The following CPED1 variants were observed in gnomAD, a reference collection of about 807,000 sequenced individuals.
CPED1 encodes the protein cadherin like and PC-esterase domain containing 1, also known as cadherin-like and PC-esterase domain-containing protein 1.
CPED1 carries 114 observed loss-of-function variants against 128.2 expected under a neutral mutation model. The ratio of observed to expected loss-of-function variants is 0.89; its 90% CI spans 0.76 to 1.04. CPED1 has a LOEUF of 1.04. Among genes scored for constraint, CPED1 ranks in the 50% least tolerant of loss-of-function variants. CPED1 has a pLI of 0.00. For missense variants in CPED1, 1,211 were observed against 1,207.1 expected (o/e 1.00, Z -0.05); for synonymous variants, 462 against 426.7 (o/e 1.08, Z -1.02).
In CPED1 at chr7:121,047,396, A is replaced by C. The variant is rs141005313; in HGVS notation, c.540+403A>C. 2.6e-5 allele frequency among the ~76,000 whole-genome samples: 4 copies of C among 152,268 alleles called. No individual in the cohort carries two copies. The East Asian group carries it at 5.8e-4, about 22-fold the overall frequency. On this transcript the variant is annotated intron_variant, in intron 4 of 22. Transcript: ENST00000310396. ...TATAAAATTTCTAATTACATTTTAA[A>C]ATTGACATTTAGTACTTACTCTTTA...
intron 2 of CPED1, among the ~76,000 whole-genome samples, chr7:121,010,758 T>A (rs1371008443): frequency 6.6e-6 from 1 of 152,118 alleles, no homozygotes; most frequent in Non-Finnish European, 1.5e-5. Context: ...GAGATTCAGT[T>A]AAGTCAGCTG....
At chr7:121,169,204 C>A (rs754466701) in intron 16 of CPED1, among the ~76,000 whole-genome samples, 4 of 152,090 alleles carry the variant, frequency 2.6e-5, no homozygotes, top group Non-Finnish European at 5.9e-5. Flanking sequence ...ATCAAATTAA[C>A]AAGCTGCCTA....
intron 16 of CPED1, among the ~76,000 whole-genome samples, chr7:121,182,674 C>T (rs1796924909): frequency 6.6e-6 from 1 of 151,960 alleles, no homozygotes; most frequent in South Asian, 2.1e-4. Context: ...AGGAATAATG[C>T]TGGTCAGATT....
chr7:121,263,724 T>G (rs1792064705), intron 18 of CPED1, among the ~76,000 whole-genome samples: 1 of 152,080 alleles, frequency 6.6e-6, no homozygotes, highest in South Asian at 2.1e-4. Context: ...TTGATTTTTC[T>G]CAACCTTTGT....
intron 4 of CPED1, among the ~76,000 whole-genome samples, chr7:121,055,047 T>C (rs1793458724): frequency 1.3e-5 from 2 of 152,220 alleles, no homozygotes; most frequent in African/African-American, 4.8e-5. Context: ...TTCCTTCTTA[T>C]TGATGAATAA....
At chr7:121,123,489 A>G (rs1466188858) in intron 7 of CPED1, among the ~76,000 whole-genome samples, 2 of 152,172 alleles carry the variant, frequency 1.3e-5, no homozygotes, top group Non-Finnish European at 2.9e-5. Context: ...TTAAAAGAGT[A>G]TGTTTATCCA....
chr7:120,999,694 T>C (rs1050716521), intron 2 of CPED1, among the ~76,000 whole-genome samples: 3 of 152,208 alleles, frequency 2.0e-5, no homozygotes, highest in African/African-American at 7.2e-5. Context: ...GCAACTTCCA[T>C]AGAATTAGTT....
intron 16 of CPED1, among the ~76,000 whole-genome samples, chr7:121,215,806 G>A (rs186593518): frequency 6.6e-6 from 1 of 152,072 alleles, no homozygotes; most frequent in Non-Finnish European, 1.5e-5. Context: ...TTTACTCATA[G>A]GCACCAGTGA....
At chr7:121,170,742 T>C (rs1248491881) in intron 16 of CPED1, among the ~76,000 whole-genome samples, 1 of 152,132 alleles carries the variant, frequency 6.6e-6, no homozygotes, top group African/African-American at 2.4e-5. Flanking sequence ...GAAATGAGTT[T>C]CTATCCTTTA....
chr7:120,995,942 TCTTCTC>T (rs1449701730), intron 2 of CPED1, among the ~76,000 whole-genome samples: 24 of 78,622 alleles, frequency 3.1e-4, no homozygotes, highest in South Asian at 1.9e-3. Flanking sequence ...TCCTCCTCCT[TCTTCTC>T]CTCCTCCTCC....
At position 121,059,127 on chromosome 7, in the gene CPED1, C is replaced by A. The variant is rs184398233; in HGVS notation, c.541-5111C>A. ...GTTTAGTAATTGGGGCTGTATCTCACCGCAAGTAGACAGGTGCTAGTGTTT... is the reference window on the plus strand; with the variant it reads ...GTTTAGTAATTGGGGCTGTATCTCAACGCAAGTAGACAGGTGCTAGTGTTT... On this transcript the variant is annotated intron_variant, in intron 4 of 22. Coordinates refer to ENST00000310396, the MANE Select transcript of CPED1 (RefSeq NM_024913.5). Among the ~76,000 whole-genome samples, 633 of 152,284 alleles carry A rather than the reference C, an allele frequency of 4.2e-3. 6 individuals are homozygous for A. The highest frequency in any genetic ancestry group is 0.017 in the Middle Eastern group (5 of 292).
chr7:121,259,226 G>A (rs990197874), intron 18 of CPED1, among the ~76,000 whole-genome samples: 1 of 151,792 alleles, frequency 6.6e-6, no homozygotes, highest in African/African-American at 2.4e-5. Flanking sequence ...AGGTGCTCAA[G>A]CTTCTAGTAA....
chr7:121,017,585 A>G (rs1467475950), intron 3 of CPED1, among the ~76,000 whole-genome samples: 2 of 152,136 alleles, frequency 1.3e-5, no homozygotes, highest in East Asian at 3.8e-4. Context: ...ATAACATGCT[A>G]CTGTTTTCTA....
At chr7:121,286,938 AG>A (rs1483903912) in intron 22 of CPED1, among the ~76,000 whole-genome samples, 3 of 152,208 alleles carry the variant, frequency 2.0e-5, no homozygotes, top group African/African-American at 7.2e-5. Flanking sequence ...GAAGGCAAAG[AG>A]GAAGCAGGCA....
chr7:121,175,145 A>G (rs889692864), intron 16 of CPED1, among the ~76,000 whole-genome samples: 1 of 152,120 alleles, frequency 6.6e-6, no homozygotes, highest in African/African-American at 2.4e-5. Flanking sequence ...TTTTCTAGAT[A>G]TAGAATCATG....
chr7:121,098,772 A>G lies in CPED1; in HGVS notation c.749+941A>G, dbSNP rs1287632914. Among the ~76,000 whole-genome samples the G allele has an allele frequency of 2.5e-5, 3 of 119,186 alleles. 1 individual carries two copies. Among genetic ancestry groups the G allele is most frequent in the African/African-American group, 9.2e-5 (3 of 32,652 alleles). 78.2% of individuals were successfully genotyped at this position (119,186 alleles called of 152,430 possible). ...AATATATAAAAATATATATAAATAT[A>G]TATATATAAAAATATATAAAAATAT... On this transcript the variant is annotated intron_variant, in intron 6 of 22. Coordinates refer to ENST00000310396, the MANE Select transcript of CPED1 (RefSeq NM_024913.5).
chr7:121,015,894 G>A (rs773072245), intron 3 of CPED1, 46 bp downstream of exon 3: 2 of 1,300,070 alleles, frequency 1.5e-6, no homozygotes, highest in Non-Finnish European at 2.0e-6. Flanking sequence ...GACATATAAT[G>A]TTGAACAATT....
chr7:121,126,005 C>G, intron 9 of CPED1, 113 bp downstream of exon 9: 2 of 753,008 alleles, frequency 2.7e-6, no homozygotes, highest in Non-Finnish European at 4.6e-6. Flanking sequence ...TAGCAATTTG[C>G]AAAAGTACTG....
At chr7:121,046,505 A>G (rs974136692) in intron 3 of CPED1, among the ~76,000 whole-genome samples, 6 of 152,106 alleles carry the variant, frequency 3.9e-5, no homozygotes, top group Admixed American at 3.3e-4. Flanking sequence ...GCTTTCTTCT[A>G]TCTTAAAAGA....
Sources: gnomAD v4.1 joint callset for allele counts (sites outside exome capture counted in the v4.1 genomes callset) on GRCh38, gnomAD v4.1.1 for gene constraint, MANE v1.5 for transcripts, NCBI Gene and HGNC (gene_info 2026-07-23, HGNC 2026-07-21) for gene names.